Variants in KLK2 observed in about 807,000 individuals in gnomAD.
The protein encoded by KLK2 is kallikrein-2.
In KLK2, 17 loss-of-function variants were observed where a neutral mutation model predicts 23.0. The observed-to-expected ratio is 0.74, with a 90% CI of 0.51 to 1.11. KLK2 has a LOEUF of 1.11. Among genes scored for constraint, KLK2 ranks in the 50% least tolerant of loss-of-function variants. The probability of loss-of-function intolerance (pLI) is 0.00; values close to 1 mark genes in which losing one functional copy is unlikely to be tolerated. For missense variants in KLK2, 330 were observed against 325.9 expected, an observed-to-expected ratio of 1.01 and a Z score of -0.10; for synonymous variants, 140 against 124.7, an observed-to-expected ratio of 1.12 and a Z score of -0.82.
chr19:50,873,652 C>T, intron 1 of KLK2, 133 bp downstream of exon 1: 1 of 643,832 alleles, frequency 1.6e-6, no homozygotes, highest in Admixed American at 2.7e-5. Flanking sequence ...CTGACTCTTC[C>T]ACATTGCAAT....
intron 2 of KLK2, chr19:50,875,166 CCT>C (rs2123477909): frequency 1.0e-5 from 3 of 295,680 alleles, no homozygotes; most frequent in South Asian, 7.5e-5. Context: ...TTTCTGTCTC[CCT>C]GTGTCTGTGT....
chr19:50,875,092 C>A, intron 2 of KLK2: 1 of 882,208 alleles, frequency 1.1e-6, no homozygotes, highest in Non-Finnish European at 1.6e-6. Flanking sequence ...CTCGCTGTGT[C>A]TCTTGGTATC....
rs1189369579 is a variant in KLK2, at chr19:50,879,035, C to G, written c.*476C>G. 4.3e-6 allele frequency: 1 copy of G among 234,054 alleles called. No individual in the cohort carries two copies. Among genetic ancestry groups the G allele is most frequent in the African/African-American group, 2.2e-5 (1 of 45,340 alleles). 14.5% of individuals were successfully genotyped at this position (234,054 alleles called of 1,614,324 possible). On this transcript the variant is annotated 3_prime_UTR_variant, in exon 5 of 5. Transcript: ENST00000325321. Reference sequence around the variant, plus strand: ...ACGCTGTAAACATAGCCCACGCTGTCCTGGGGGCACTGGGAAGCCTAGATA... The same window carrying G: ...ACGCTGTAAACATAGCCCACGCTGTGCTGGGGGCACTGGGAAGCCTAGATA...
chr19:50,877,075 A>G (rs777842026), intron 4 of KLK2, 67 bp downstream of exon 4: 18 of 1,606,086 alleles, frequency 1.1e-5, no homozygotes, highest in African/African-American at 1.3e-5. Flanking sequence ...CTGGGCTGCA[A>G]TCTGAAAGCT....
chr19:50,873,848 C>A (rs2090255418), intron 1 of KLK2: 1 of 347,118 alleles, frequency 2.9e-6, no homozygotes, highest in Non-Finnish European at 5.2e-6. Context: ...GTTCCTTGGA[C>A]CCTATCACTG....
At chr19:50,876,158 T>C (rs1368538588) in intron 2 of KLK2, 1 of 389,044 alleles carries the variant, frequency 2.6e-6, no homozygotes, top group Middle Eastern at 6.9e-4. Context: ...CCCATGTCTA[T>C]TTCTTGCTGT....
intron 2 of KLK2, 118 bp from the exon 3 acceptor site, chr19:50,876,354 C>T: frequency 1.2e-6 from 1 of 860,548 alleles, no homozygotes; most frequent in Non-Finnish European, 1.8e-6. Context: ...TCTCCCCGAC[C>T]CCTGTGCTTT....
rs538440697 is a variant in KLK2 at position 50,879,950 on chromosome 19, G to A, written c.*1391G>A. 2 of 230,562 alleles carry A rather than the reference G, an allele frequency of 8.7e-6. No individual in the cohort carries two copies. The highest frequency in any genetic ancestry group is 2.2e-5 in the African/African-American group (1 of 45,290). The allele number at this position is 230,562 out of a possible 1,614,324, so 14.3% of individuals were successfully genotyped here. A position where few individuals can be genotyped will look rare whatever the true frequency, so the allele number is the denominator to read the frequency against. ...AGGGGATGAGGGAAAGGGAGAGGAT[G>A]AGGAAGCCCCCCTGGGGATTTGGTT... is the stretch of plus-strand genomic sequence containing the variant. On this transcript the variant is annotated 3_prime_UTR_variant, in exon 5 of 5. Coordinates refer to ENST00000325321, the MANE Select transcript of KLK2 (RefSeq NM_005551.5).
chr19:50,878,267 C>G, intron 4 of KLK2, 137 bp from the exon 5 acceptor site: 1 of 828,654 alleles, frequency 1.2e-6, no homozygotes, highest in South Asian at 1.9e-5. Context: ...GGAGTGGGTT[C>G]TGGAGACATT....
rs564795725 is a variant in KLK2 at position 50,879,303 on chromosome 19, G to A, written c.*744G>A. On this transcript the variant is annotated 3_prime_UTR_variant, in exon 5 of 5. Coordinates refer to ENST00000325321, the MANE Select transcript of KLK2 (RefSeq NM_005551.5). ...AAACAAAACAGATGTATAGATTAGA[G>A]TGTGGAGAAAACAGAGGAAAACTTG... The A allele has an allele frequency of 2.1e-5, 5 of 232,640 alleles. No homozygotes were observed. The highest frequency in any genetic ancestry group is 1.8e-4 in the East Asian group (3 of 16,486). 14.4% of individuals were successfully genotyped at this position (232,640 alleles called of 1,614,324 possible).
Position 50,877,006 on chromosome 19 carries a change from G to T in KLK2, c.628G>T (p.Gly210Trp). The change falls in exon 4 of 5, where the codon GGG becomes TGG. Residue 210 changes from glycine (G) to tryptophan (W), a missense_variant and splice_region_variant. Transcript: ENST00000325321. ...CTGGACAGGTGGTAAAGACACTTGTGGGGTGAGTCATCCCTACTCCCAACA... is the reference window on the plus strand; with the variant it reads ...CTGGACAGGTGGTAAAGACACTTGTTGGGTGAGTCATCCCTACTCCCAACA... ...GLWTGGKDTC[G>W]GDSGGPLVCN... 3 of 1,614,084 alleles carry T rather than the reference G, an allele frequency of 1.9e-6. No individual in the cohort carries two copies. The South Asian group carries it at 3.3e-5, about 18-fold the overall frequency.
At position 50,878,569 on chromosome 19, in the gene KLK2, T is replaced by C. The variant is rs924271982; in HGVS notation, c.*10T>C. The C allele has an allele frequency of 1.3e-5, 21 of 1,608,540 alleles. No individual in the cohort carries two copies. The highest frequency in any genetic ancestry group is 1.2e-4 in the Admixed American group (7 of 59,788). Reference sequence around the variant, plus strand: ...CGCAGCCAACCCCTGAGTGCCCCTGTCCCACCCCTACCTCTAGTAAATTTA... The same window carrying C: ...CGCAGCCAACCCCTGAGTGCCCCTGCCCCACCCCTACCTCTAGTAAATTTA... On this transcript the variant is annotated 3_prime_UTR_variant, in exon 5 of 5. Coordinates refer to ENST00000325321, the MANE Select transcript of KLK2 (RefSeq NM_005551.5).
Position 50,876,627 on chromosome 19 carries a change from T to C in KLK2, c.362T>C (p.Leu121Pro). The stretch of plus-strand genomic sequence containing the variant: ...CCAGATGAAGACTCCAGCCATGACC[T>C]CATGCTGCTCCGCCTGTCAGAGCCT... ...LRPDEDSSHD[L>P]MLLRLSEPAK... Residue 121 changes from leucine (L) to proline (P), a missense_variant, in exon 3 of 5, where the codon CTC (leucine) becomes CCC (proline). Leu to Pro is a moderately conservative substitution (Grantham distance 98). Coordinates refer to ENST00000325321, the MANE Select transcript of KLK2 (RefSeq NM_005551.5). 1 of 1,614,208 alleles carries C rather than the reference T, an allele frequency of 6.2e-7. No homozygotes were observed. The highest frequency in any genetic ancestry group is 8.5e-7 in the Non-Finnish European group (1 of 1,180,046).
intron 1 of KLK2, chr19:50,874,467 C>T (rs1227068421): frequency 8.3e-6 from 3 of 361,160 alleles, no homozygotes; most frequent in Non-Finnish European, 5.0e-6. Context: ...TCAGATGTTT[C>T]CCATGTCCCC....
At chr19:50,877,949 G>C (rs967202280) in intron 4 of KLK2, among the ~76,000 whole-genome samples, 3 of 152,038 alleles carry the variant, frequency 2.0e-5, no homozygotes, top group Non-Finnish European at 4.4e-5. Context: ...CCTCCATCTG[G>C]CCTCAGTGGG....
rs527383453 is a variant in KLK2, at chr19:50,873,975, A to G, written c.46+456A>G. On this transcript the variant is annotated intron_variant, in intron 1 of 4. Coordinates refer to ENST00000325321, the MANE Select transcript of KLK2 (RefSeq NM_005551.5). ...CCTGGCTCCCCAACCCTGTCCCAGG[A>G]AACCCAGATTCCACCAGACACTTCC... 138 of 160,246 alleles carry G rather than the reference A, an allele frequency of 8.6e-4. 2 individuals are homozygous for G. The highest frequency in any genetic ancestry group is 1.5e-3 in the Non-Finnish European group (107 of 73,354). 9.9% of individuals were successfully genotyped at this position (160,246 alleles called of 1,614,324 possible).
intron 2 of KLK2, 119 bp from the exon 3 acceptor site, chr19:50,876,352 AC>A (rs1433606177): frequency 6.0e-6 from 5 of 839,290 alleles, no homozygotes; most frequent in Non-Finnish European, 9.4e-6. Flanking sequence ...TATCTCCCCG[AC>A]CCCTGTGCTT....
rs142630606 is a variant in KLK2, at chr19:50,876,555, C to T, written c.290C>T (p.Pro97Leu). 9 of 1,614,192 alleles carry T rather than the reference C, an allele frequency of 5.6e-6. No individual in the cohort carries two copies. In the African/African-American group the frequency reaches 1.2e-4, roughly 22 times the overall value. ...AGGGTCCCTGTCAGCCACAGCTTCC[C>T]ACACCCGCTCTACAATATGAGCCTT... ...GQRVPVSHSF[P>L]HPLYNMSLLK... Residue 97 changes from proline (P) to leucine (L), a missense_variant, in exon 3 of 5, where the codon CCA becomes CTA. By Grantham distance (98) the Pro-to-Leu change is moderately conservative. Transcript: ENST00000325321.
At chr19:50,877,109 TC>T (rs2090297485) in intron 4 of KLK2, 101 bp downstream of exon 4, 2 of 1,504,560 alleles carry the variant, frequency 1.3e-6, no homozygotes, top group Admixed American at 1.7e-5. Flanking sequence ...CCTCCCCTGC[TC>T]CCCAGCTATA....
Sources: allele counts gnomAD v4.1 joint callset (sites outside exome capture counted in the v4.1 genomes callset), GRCh38; gene constraint gnomAD v4.1.1; transcripts MANE v1.5; gene names NCBI Gene and HGNC (gene_info 2026-07-23, HGNC 2026-07-21).